Variants in STAM observed in about 807,000 individuals in gnomAD.
STAM encodes the protein signal transducing adaptor molecule, also known as signal transducing adapter molecule 1.
Under a neutral mutation model 63.4 loss-of-function variants are expected in STAM, and 16 were observed. That is an observed-to-expected ratio of 0.25 (90% CI 0.17 to 0.38). The LOEUF (loss-of-function observed/expected upper bound fraction) is 0.38, where lower values mean the gene tolerates loss of function less well. Ranked by LOEUF, STAM falls within the 10% of genes least tolerant of loss-of-function variation. The pLI, the probability that STAM is intolerant of heterozygous loss-of-function variation, is 1.00. For synonymous variants in STAM, 238 were observed against 223.9 expected (o/e 1.06, Z -0.56); for missense variants, 636 against 657.1 (o/e 0.97, Z 0.35).
At chr10:17,700,403 A>T in intron 9 of STAM, 124 bp downstream of exon 9, 1 of 705,990 alleles carries the variant, frequency 1.4e-6, no homozygotes, top group Non-Finnish European at 2.2e-6. Flanking sequence ...TTTTATAAAA[A>T]TTCAAGCAAT....
At chr10:17,645,500 C>CT (rs1554820724) in intron 1 of STAM, among the ~76,000 whole-genome samples, 1 of 152,184 alleles carries the variant, frequency 6.6e-6, no homozygotes, top group African/African-American at 2.4e-5. Context: ...AAGTTAAATT[C>CT]TTTGAGTTCC....
chr10:17,701,178 A>G (rs1835978841), intron 9 of STAM, among the ~76,000 whole-genome samples: 1 of 152,216 alleles, frequency 6.6e-6, no homozygotes, highest in Non-Finnish European at 1.5e-5. Context: ...AATCACTCCT[A>G]TTTAGTTAAG....
In STAM at chr10:17,716,262, CTTGT is replaced by C. The variant is rs1208385638; in HGVS notation, c.*1485_*1488del. Among the ~76,000 whole-genome samples, 4 of 151,804 alleles carry C rather than the reference CTTGT, an allele frequency of 2.6e-5. No individual in the cohort carries two copies. Among genetic ancestry groups the C allele is most frequent in the Non-Finnish European group, 5.9e-5 (4 of 67,904 alleles). On this transcript the variant is annotated 3_prime_UTR_variant, in exon 14 of 14. Transcript: ENST00000377524. ...TTCTAAGACTGTTGTAATCAGGTAG[CTTGT>C]TTATTTTCTTTTTGAGAGAAGATTA...
At chr10:17,646,018 C>A (rs541462194) in intron 1 of STAM, among the ~76,000 whole-genome samples, 6 of 152,146 alleles carry the variant, frequency 3.9e-5, no homozygotes, top group African/African-American at 1.4e-4. Flanking sequence ...ATGTCAAACC[C>A]GTTCCTAGTA....
chr10:17,666,517 C>A (rs1554823405), intron 2 of STAM, among the ~76,000 whole-genome samples: 1 of 151,554 alleles, frequency 6.6e-6, no homozygotes, highest in East Asian at 1.9e-4. Context: ...GCCTCAGCCT[C>A]CTGAGTAGCT....
At chr10:17,666,385 G>GTTTTTTTTTTTTTTTTT (rs1425682476) in intron 2 of STAM, among the ~76,000 whole-genome samples, 27 of 102,334 alleles carry the variant, frequency 2.6e-4, no homozygotes, top group African/African-American at 1.0e-3. Flanking sequence ...CCTTGGCTTT[G>GTTTTTTTTTTTTTTTTT]TATTTTTTTT....
At chr10:17,708,751 T>A (rs1836412916) in intron 12 of STAM, 25 bp from the exon 13 acceptor site, 1 of 1,567,614 alleles carries the variant, frequency 6.4e-7, no homozygotes, top group East Asian at 2.3e-5. Flanking sequence ...TAGAATTGAA[T>A]ATGATTTCTC....
At chr10:17,651,870 G>C (rs1833754697) in intron 1 of STAM, among the ~76,000 whole-genome samples, 1 of 152,194 alleles carries the variant, frequency 6.6e-6, no homozygotes, top group African/African-American at 2.4e-5. Flanking sequence ...GTGATGCGAA[G>C]TCCTCCTGTC....
intron 5 of STAM, among the ~76,000 whole-genome samples, chr10:17,689,225 A>T (rs1005443152): frequency 4.6e-5 from 7 of 152,234 alleles, no homozygotes; most frequent in Non-Finnish European, 1.0e-4. Context: ...GTGCTGATTT[A>T]CTACACTGTC....
intron 1 of STAM, 82 bp downstream of exon 1, chr10:17,644,461 T>C: frequency 6.4e-7 from 1 of 1,555,776 alleles, no homozygotes. Flanking sequence ...TTCAGGACCC[T>C]CGGGCCAGGG....
At chr10:17,667,454 T>C (rs1834441331) in intron 2 of STAM, among the ~76,000 whole-genome samples, 1 of 152,198 alleles carries the variant, frequency 6.6e-6, no homozygotes, top group African/African-American at 2.4e-5. Context: ...GTGATCTTGA[T>C]TTCCATGTTT....
intron 1 of STAM, among the ~76,000 whole-genome samples, chr10:17,649,096 A>G (rs892687797): frequency 1.3e-5 from 2 of 152,198 alleles, no homozygotes; most frequent in Non-Finnish European, 2.9e-5. Context: ...TTACCTAATA[A>G]TCTTCTGTAA....
intron 6 of STAM, 111 bp downstream of exon 6, chr10:17,693,423 TG>T: frequency 2.5e-6 from 2 of 807,748 alleles, no homozygotes; most frequent in Non-Finnish European, 3.8e-6. Flanking sequence ...AAATCTGCTT[TG>T]TTGCCCTCCT....
At chr10:17,712,894 G>A (rs775389536) in intron 13 of STAM, among the ~76,000 whole-genome samples, 2 of 152,254 alleles carry the variant, frequency 1.3e-5, no homozygotes, top group Admixed American at 6.5e-5. Flanking sequence ...AGCTCAGTAC[G>A]TGAGGGGTGC....
intron 5 of STAM, among the ~76,000 whole-genome samples, chr10:17,691,261 G>A (rs537624764): frequency 2.0e-5 from 3 of 152,296 alleles, no homozygotes; most frequent in Admixed American, 2.0e-4. Context: ...GCTCACGCCT[G>A]TAATCCTAGC....
intron 1 of STAM, among the ~76,000 whole-genome samples, chr10:17,655,941 ACG>A (rs1241388098): frequency 6.8e-6 from 1 of 148,056 alleles, no homozygotes; most frequent in African/African-American, 2.5e-5. Flanking sequence ...TTTTCCTCCT[ACG>A]TGTGTATTCT....
At position 17,686,351 on chromosome 10, in the gene STAM, T is replaced by C. The variant is rs76481764; in HGVS notation, c.297+1424T>C. ...TTCTGAATGTTTTACAGTGAACATA[T>C]TGGTTTTGTACTTAATAACATCCCG... On this transcript the variant is annotated intron_variant, in intron 4 of 13. Coordinates refer to ENST00000377524, the MANE Select transcript of STAM (RefSeq NM_003473.4). Among the ~76,000 whole-genome samples, 284 of 152,132 alleles carry C rather than the reference T, an allele frequency of 1.9e-3. 1 individual carries two copies. Among genetic ancestry groups the C allele is most frequent in the Middle Eastern group, 0.01 (3 of 290 alleles).
chr10:17,645,954 T>TA, intron 1 of STAM, among the ~76,000 whole-genome samples: 1 of 152,378 alleles, frequency 6.6e-6, no homozygotes, highest in South Asian at 2.1e-4. Flanking sequence ...ATCACCTTTA[T>TA]ATTCTACTGA....
Position 17,689,566 on chromosome 10 carries a change from A to G in STAM, c.444+1393A>G, listed in dbSNP as rs116626483. Among the ~76,000 whole-genome samples the G allele has an allele frequency of 4.6e-5, 7 of 152,232 alleles. No homozygotes were observed. The East Asian group carries it at 7.7e-4, about 17-fold the overall frequency. On this transcript the variant is annotated intron_variant, in intron 5 of 13. Coordinates refer to ENST00000377524, the MANE Select transcript of STAM (RefSeq NM_003473.4). ...AACTGATAGCTGGTTTTTACTACTC[A>G]GTATAGTTTCTAGAATCTGTATAAT...
Sources: allele counts gnomAD v4.1 joint callset (sites outside exome capture counted in the v4.1 genomes callset), GRCh38; gene constraint gnomAD v4.1.1; transcripts MANE v1.5; gene names NCBI Gene and HGNC (gene_info 2026-07-23, HGNC 2026-07-21).